GSE1: variants seen among roughly 807,000 people sequenced by gnomAD.
GSE1 encodes Gse1 coiled-coil protein.
In GSE1, 32 loss-of-function variants were observed where a neutral mutation model predicts 112.6. That is an observed-to-expected ratio of 0.28 (90% CI 0.21 to 0.38). The LOEUF (loss-of-function observed/expected upper bound fraction) is 0.38. Ranked by LOEUF, GSE1 falls within the 10% of genes least tolerant of loss-of-function variation. The probability of loss-of-function intolerance (pLI) is 1.00; values close to 1 mark genes in which losing one functional copy is unlikely to be tolerated. For missense variants in GSE1, 2,348 were observed against 1,699.2 expected, an observed-to-expected ratio of 1.38 and a Z score of -6.71; for synonymous variants, 1,115 against 735.6, an observed-to-expected ratio of 1.52 and a Z score of -8.35.
chr16:85,418,309 A>T (rs1041001220), intron 2 of GSE1, among the ~76,000 whole-genome samples: 2 of 152,162 alleles, frequency 1.3e-5, no homozygotes, highest in Non-Finnish European at 2.9e-5. Context: ...GAAAGGTCCA[A>T]CCTCCAAGGC....
At chr16:85,335,432 C>T (rs769243726) in intron 1 of GSE1, among the ~76,000 whole-genome samples, 34 of 152,218 alleles carry the variant, frequency 2.2e-4, no homozygotes, top group Admixed American at 4.6e-4. Context: ...GTAATTAGCG[C>T]GGAGCCGGGA....
chr16:85,592,579 C>G (rs1469685247), intron 1 of GSE1: 8 of 152,256 alleles, frequency 5.3e-5, no homozygotes, highest in Admixed American at 4.6e-4. Flanking sequence ...CCTTCTTCTG[C>G]TTAAACACAC....
intron 1 of GSE1, among the ~76,000 whole-genome samples, chr16:85,567,362 C>T: frequency 6.6e-6 from 1 of 152,214 alleles, no homozygotes; most frequent in East Asian, 1.9e-4. Flanking sequence ...CCGGTCTCTG[C>T]CCAGCTACAC....
rs759684229 is a variant in GSE1 at position 85,661,779 on chromosome 16, C to T, written c.2260+14C>T. ...CCCAGGAGAAAGGTCTGCCTCCCCG[C>T]GGGCCCCGAGCTGCTCAGGGAGAGC... On this transcript the variant is annotated intron_variant, in intron 9 of 15. Coordinates refer to ENST00000253458, the MANE Select transcript of GSE1 (RefSeq NM_014615.5). The T allele has an allele frequency of 1.3e-5, 20 of 1,492,160 alleles. No homozygotes were observed. The East Asian group carries it at 1.7e-4, about 13-fold the overall frequency. 92.4% of individuals were successfully genotyped at this position (1,492,160 alleles called of 1,614,324 possible).
At chr16:85,468,831 A>G (rs2050200006) in intron 2 of GSE1, among the ~76,000 whole-genome samples, 1 of 152,250 alleles carries the variant, frequency 6.6e-6, no homozygotes, top group Non-Finnish European at 1.5e-5. Context: ...TTGACCATCT[A>G]CACTGGGTTG....
chr16:85,652,516 A>T (rs572595423), intron 3 of GSE1, among the ~76,000 whole-genome samples: 403 of 151,984 alleles, frequency 2.7e-3, no homozygotes, highest in Non-Finnish European at 4.5e-3. Flanking sequence ...GCGGGAAGGG[A>T]GCAGATGCTG....
chr16:85,383,526 CGTCTCTCTCTCTCTCTCTCTCT>C (rs2047610326), intron 2 of GSE1, among the ~76,000 whole-genome samples: 1 of 131,446 alleles, frequency 7.6e-6, no homozygotes, highest in Non-Finnish European at 1.6e-5. Flanking sequence ...CGCACACCTG[CGTCTCTCTCTCTCTCTCTCTCT>C]CTCTCTCTCT....
chr16:85,501,782 A>C (rs7499046), intron 2 of GSE1, among the ~76,000 whole-genome samples: 2,838 of 152,330 alleles, frequency 0.019, 93 homozygotes, highest in African/African-American at 0.065. Flanking sequence ...TGCTGCCCAC[A>C]GAGGCTGCCC....
chr16:85,565,903 G>A (rs1031302264), intron 1 of GSE1, among the ~76,000 whole-genome samples: 1 of 152,210 alleles, frequency 6.6e-6, no homozygotes, highest in African/African-American at 2.4e-5. Context: ...TGGGCCCTGT[G>A]GGTTCCAGGG....
chr16:85,226,514 C>T (rs900139652), intron 1 of GSE1, among the ~76,000 whole-genome samples: 1 of 152,180 alleles, frequency 6.6e-6, no homozygotes, highest in African/African-American at 2.4e-5. Flanking sequence ...GCCAGATGGC[C>T]TTGGTCGGAG....
intron 1 of GSE1, among the ~76,000 whole-genome samples, chr16:85,346,567 A>T (rs1325685888): frequency 6.9e-6 from 1 of 144,942 alleles, no homozygotes; most frequent in Non-Finnish European, 1.5e-5. Context: ...GGACAGGCGG[A>T]TGGTGGACGA....
chr16:85,610,357 C>T (rs542677219), upstream of GSE1, among the ~76,000 whole-genome samples: 1 of 152,200 alleles, frequency 6.6e-6, no homozygotes, highest in African/African-American at 2.4e-5. Context: ...AGGAAGGGCT[C>T]GCACTATCTG....
intron 7 of GSE1, 97 bp from the exon 8 acceptor site, chr16:85,657,180 G>T: frequency 1.2e-6 from 1 of 837,828 alleles, no homozygotes; most frequent in Non-Finnish European, 1.8e-6. Context: ...CTTTGGAAGG[G>T]CTCTGGTTTC....
chr16:85,366,015 G>A lies in GSE1; in HGVS notation c.2464+8372G>A, dbSNP rs1037127920. On this transcript the variant is annotated intron_variant, in intron 2 of 2. Transcript: ENST00000637419. ...TGTGAGCTGGGCCTGCCCTGGCAGC[G>A]ACAGAGAGCTGGTGACCACCAGAAA... Among the ~76,000 whole-genome samples the A allele has an allele frequency of 3.9e-5, 6 of 152,204 alleles. No individual in the cohort carries two copies. The East Asian group carries it at 5.8e-4, about 15-fold the overall frequency.
intron 1 of GSE1, among the ~76,000 whole-genome samples, chr16:85,279,975 TC>T (rs1358708456): frequency 7.9e-5 from 12 of 152,186 alleles, no homozygotes; most frequent in African/African-American, 2.9e-4. Flanking sequence ...TACTCAGTTC[TC>T]CCCACACACA....
chr16:85,371,583 G>C (rs917112861), intron 2 of GSE1, among the ~76,000 whole-genome samples: 1 of 152,188 alleles, frequency 6.6e-6, no homozygotes, highest in African/African-American at 2.4e-5. Flanking sequence ...GGCCACAGCT[G>C]ACAGCCTTCT....
intron 1 of GSE1, among the ~76,000 whole-genome samples, chr16:85,324,522 A>G (rs1437290618): frequency 6.6e-6 from 1 of 151,998 alleles, no homozygotes; most frequent in African/African-American, 2.4e-5. Context: ...AAAAAAAAAA[A>G]AAAAGAAAAA....
chr16:85,335,235 GC>G (rs1364195023), intron 1 of GSE1, among the ~76,000 whole-genome samples: 7 of 152,250 alleles, frequency 4.6e-5, no homozygotes, highest in African/African-American at 1.7e-4. Context: ...CCAGCTCTGA[GC>G]CCGGGGGTGA....
chr16:85,428,420 G>C (rs1368354382), intron 2 of GSE1, among the ~76,000 whole-genome samples: 1 of 152,236 alleles, frequency 6.6e-6, no homozygotes, highest in Non-Finnish European at 1.5e-5. Flanking sequence ...GCCCTGTAAC[G>C]CTGTGTAAGT....
Sources: allele counts gnomAD v4.1 joint callset (sites outside exome capture counted in the v4.1 genomes callset), GRCh38; gene constraint gnomAD v4.1.1; transcripts MANE v1.5; gene names NCBI Gene and HGNC (gene_info 2026-07-23, HGNC 2026-07-21).